The following PLXNB3 variants were observed in gnomAD, a reference collection of about 807,000 sequenced individuals.
The protein encoded by PLXNB3 is plexin-B3.
Under a neutral mutation model 125.7 loss-of-function variants are expected in PLXNB3, and 80 were observed. The ratio of observed to expected loss-of-function variants is 0.64; its 90% confidence interval spans 0.53 to 0.77. PLXNB3 has a LOEUF of 0.77. Ranked by LOEUF, PLXNB3 falls within the 30% of genes least tolerant of loss-of-function variation. PLXNB3 has a pLI of 0.00. For synonymous variants in PLXNB3, 954 were observed against 783.3 expected, an observed-to-expected ratio of 1.22 and a Z score of -3.64; for missense variants, 1,836 against 1,729.3, an observed-to-expected ratio of 1.06 and a Z score of -1.09.
In PLXNB3 at chrX:153,779,034, C is replaced by T. The variant is rs2092026251; in HGVS notation, c.5725C>T (p.Leu1909=). ...CCTGGTGGAAAACAAAGTGACTGAC[C>T]TGTGAGCTCTGGCTCAGACAGCAGC... The part of the protein sequence containing the change: ...AALVENKVTD[L] Residue 1909 remains leucine, a synonymous_variant, in exon 36 of 36, where the codon CTG becomes TTG. Transcript: ENST00000361971. The T allele has an allele frequency of 8.6e-7, 1 of 1,167,497 alleles. No individual in the cohort carries two copies. The highest frequency in any genetic ancestry group is 1.2e-6 in the Non-Finnish European group (1 of 868,197).
Position 153,769,191 on chromosome X carries a change from C to G in PLXNB3, c.1425C>G (p.Pro475=), listed in dbSNP as rs782068722. The G allele has an allele frequency of 3.4e-6, 4 of 1,183,710 alleles. No individual in the cohort carries two copies. The African/African-American group carries it at 7.0e-5, about 21-fold the overall frequency. ...QVDRIPVAAC[P]QFPDCASCLQ... is the part of the protein sequence containing the mutation. ...ACCGGATACCTGTGGCAGCCTGCCC[C>G]CAGTTCCCTGACTGTGCCAGCTGCC... Residue 475 remains proline (P), a synonymous_variant, in exon 6 of 36, where the codon CCC becomes CCG. Transcript: ENST00000361971.
intron 2 of PLXNB3, chrX:153,766,626 C>A: frequency 9.4e-7 from 1 of 1,063,781 alleles, no homozygotes; most frequent in Non-Finnish European, 1.2e-6. Context: ...CTTGTGCGTG[C>A]GTGCATGCAC....
rs781976995 is a variant in PLXNB3 at position 153,774,707 on chromosome X, C to A, written c.3832C>A (p.His1278Asn). The A allele has an allele frequency of 2.2e-5, 26 of 1,163,220 alleles. No individual in the cohort carries two copies. Among genetic ancestry groups the A allele is most frequent in the Non-Finnish European group, 2.9e-5 (25 of 869,832 alleles). ...AVLLLTLMYRHKSKQALRDYQ... is the reference protein window; with the variant it reads ...AVLLLTLMYRNKSKQALRDYQ... The stretch of plus-strand genomic sequence containing the variant: ...GATGAAGCTGGCCCCGGGCTGCAGG[C>A]ACAAGAGCAAGCAGGCCCTGCGGGA... The change falls in exon 23 of 36, where the codon CAC becomes AAC. Residue 1278 changes from histidine to asparagine, a missense_variant and splice_region_variant. By Grantham distance (68) the His-to-Asn change is moderately conservative. Transcript: ENST00000361971.
intron 6 of PLXNB3, 51 bp downstream of exon 6, chrX:153,769,313 C>T (rs113517298): frequency 2.5e-5 from 25 of 1,008,710 alleles, no homozygotes; most frequent in South Asian, 1.1e-4. Context: ...GTGTGTGCCA[C>T]GAGGCTGCCC....
chrX:153,773,173 G>C, intron 17 of PLXNB3, 57 bp from the exon 18 acceptor site: 1 of 1,134,870 alleles, frequency 8.8e-7, no homozygotes, highest in Admixed American at 2.6e-5. Context: ...GTTGGGCCAG[G>C]GCTGGGGTAG....
At chrX:153,766,591 G>A (rs1434393321) in intron 2 of PLXNB3, 5 of 1,050,866 alleles carry the variant, frequency 4.8e-6, no homozygotes, top group African/African-American at 1.9e-5. Flanking sequence ...TAAAGTAGGA[G>A]ATGAAAGAAT....
chrX:153,770,426 G>C lies in PLXNB3; in HGVS notation c.1875G>C (p.Gln625His). The change falls in exon 9 of 36, where the codon CAG becomes CAC. Residue 625 changes from glutamine to histidine, a missense_variant. Transcript: ENST00000361971. ...NFSFYDCSAVQALEAAAPCRA... is the reference protein window; with the variant it reads ...NFSFYDCSAVHALEAAAPCRA... ...CCTTTTATGACTGCAGTGCCGTCCA[G>C]GCCTTGGAGGCGGCTGCCCCGTGAG... The C allele has an allele frequency of 8.3e-7, 1 of 1,209,480 alleles. No individual in the cohort carries two copies. Among genetic ancestry groups the C allele is most frequent in the East Asian group, 3.0e-5 (1 of 33,828 alleles).
Position 153,766,989 on chromosome X carries a change from C to T in PLXNB3, c.162C>T (p.Leu54=). The change falls in exon 3 of 36, where the codon CTC becomes CTT. Residue 54 remains leucine, a synonymous_variant. Transcript: ENST00000361971. The part of the protein sequence containing the change: ...AHRFSAPNTT[L]NHLALAPGRG... ...GCTTCTCCGCACCTAATACCACTCT[C>T]AACCACTTGGCACTGGCACCTGGCC... 8.3e-7 allele frequency: 1 copy of T among 1,211,202 alleles called. No homozygotes were observed. The highest frequency in any genetic ancestry group is 1.8e-5 in the South Asian group (1 of 57,043).
At chrX:153,766,411 T>C in intron 2 of PLXNB3, 1 of 1,083,984 alleles carries the variant, frequency 9.2e-7, no homozygotes, top group Non-Finnish European at 1.2e-6. Context: ...GTCTGGGTGG[T>C]GGGCGCAGGG....
intron 29 of PLXNB3, 44 bp from the exon 30 acceptor site, chrX:153,777,158 AGGCCAG>A (rs2148433195): frequency 9.1e-7 from 1 of 1,102,501 alleles, no homozygotes; most frequent in East Asian, 3.3e-5. Flanking sequence ...TGGGCATCCC[AGGCCAG>A]GGGCAGGGGG....
chrX:153,775,147 G>C (rs371663536), intron 24 of PLXNB3, 44 bp downstream of exon 24: 1 of 1,163,530 alleles, frequency 8.6e-7, no homozygotes, highest in South Asian at 2.0e-5. Context: ...AAGGAGGTGG[G>C]GCTGGGGAAC....
chrX:153,772,231 C>T lies in PLXNB3; in HGVS notation c.2719C>T (p.Arg907Trp), dbSNP rs782733468. Residue 907 changes from arginine to tryptophan, a missense_variant, in exon 16 of 36, where the codon CGG becomes TGG. Physicochemically the swap from Arg to Trp is moderately radical, Grantham distance 101 (BLOSUM62 -3). Transcript: ENST00000361971. ...PAPNGTTGPV[R>W]VAIKSQPPGI... Reference sequence around the variant, plus strand: ...CCCCAATGGCACCACTGGGCCCGTCCGGGTGGCCATTAAGAGCCAGCCACC... The same window carrying T: ...CCCCAATGGCACCACTGGGCCCGTCTGGGTGGCCATTAAGAGCCAGCCACC... 27 of 1,205,422 alleles carry T rather than the reference C, an allele frequency of 2.2e-5. No homozygotes were observed. Among genetic ancestry groups the T allele is most frequent in the Non-Finnish European group, 1.8e-5 (16 of 893,753 alleles).
intron 31 of PLXNB3, 62 bp from the exon 32 acceptor site, chrX:153,777,886 A>C: frequency 8.7e-7 from 1 of 1,153,066 alleles, no homozygotes; most frequent in Non-Finnish European, 1.2e-6. Flanking sequence ...GCTGGAGTAC[A>C]TGGGGCGGAG....
Position 153,771,508 on chromosome X carries a change from G to A in PLXNB3, c.2370G>A (p.Met790Ile). Residue 790 changes from methionine (M) to isoleucine (I), a missense_variant, in exon 14 of 36, where the codon ATG becomes ATA. Met to Ile is a conservative substitution (Grantham distance 10). Transcript: ENST00000361971. ...TAGTGATCCTGTACGACTGCGCCAT[G>A]GGCCACCCGGACTGCAGCCACTGCC... is the stretch of plus-strand genomic sequence containing the variant. The part of the protein sequence containing the change: ...ALYVILYDCA[M>I]GHPDCSHCQA... 1 of 1,205,610 alleles carries A rather than the reference G, an allele frequency of 8.3e-7. No homozygotes were observed.
intron 6 of PLXNB3, 145 bp from the exon 7 acceptor site, chrX:153,769,662 T>G: frequency 3.1e-6 from 2 of 634,965 alleles, no homozygotes; most frequent in Non-Finnish European, 4.8e-6. Context: ...CTTGGCCCCT[T>G]TCTCTCTGGA....
In PLXNB3 at chrX:153,777,094, TCTC is replaced by T. The variant is rs1557064686; in HGVS notation, c.4928-111_4928-109del. Reference sequence around the variant, plus strand: ...CCACCCCACCGAGATCTTCTGCCCATCTCCTTCCTTTCTTCCAGTCCCCACACT... The same window carrying T: ...CCACCCCACCGAGATCTTCTGCCCATCTTCCTTTCTTCCAGTCCCCACACT... On this transcript the variant is annotated intron_variant, in intron 29 of 35. Transcript: ENST00000361971. The T allele has an allele frequency of 4.9e-6, 5 of 1,010,296 alleles. No individual in the cohort carries two copies. In the African/African-American group the frequency reaches 5.7e-5, roughly 11 times the overall value. 83.3% of individuals were successfully genotyped at this position (1,010,296 alleles called of 1,213,427 possible). A position where few individuals can be genotyped will look rare whatever the true frequency, so the allele number is the denominator to read the frequency against.
chrX:153,772,334 A>G lies in PLXNB3; in HGVS notation c.2775+47A>G, dbSNP rs782619764. 5 of 935,979 alleles carry G rather than the reference A, an allele frequency of 5.3e-6. No homozygotes were observed. The East Asian group carries it at 1.6e-4, about 29-fold the overall frequency. 77.1% of individuals were successfully genotyped at this position (935,979 alleles called of 1,213,427 possible). A position where few individuals can be genotyped will look rare whatever the true frequency, so the allele number is the denominator to read the frequency against. ...CCCTACGCAGGGGAGGGTAGGAGGG[A>G]GGGCCAGGAAGGACAGGCGCCTAGT... On this transcript the variant is annotated intron_variant, in intron 16 of 35. Coordinates refer to ENST00000361971, the MANE Select transcript of PLXNB3 (RefSeq NM_005393.3).
chrX:153,777,230 C>A lies in PLXNB3; in HGVS notation c.4950C>A (p.Gly1650=). Residue 1650 remains glycine (G), a synonymous_variant, in exon 30 of 36, where the codon GGC becomes GGA. Transcript: ENST00000361971. ...CAGACATACCCACGCTGGAGGATGG[C>A]GAGGAGGGGGGGGTGTGCCTCTGGC... The part of the protein sequence containing the change: ...LGENIPTLED[G]EEGGVCLWHL... 1 of 1,162,316 alleles carries A rather than the reference C, an allele frequency of 8.6e-7. No homozygotes were observed. Among genetic ancestry groups the A allele is most frequent in the Non-Finnish European group, 1.2e-6 (1 of 868,633 alleles).
At chrX:153,771,829 G>C (rs782578063) in intron 14 of PLXNB3, 35 bp from the exon 15 acceptor site, 8 of 1,194,802 alleles carry the variant, frequency 6.7e-6, no homozygotes, top group Non-Finnish European at 9.0e-6. Context: ...GCGTGGGTGC[G>C]GGGGACCCCA....
Sources: gnomAD v4.1 joint callset for allele counts on GRCh38, gnomAD v4.1.1 for gene constraint, MANE v1.5 for transcripts, NCBI Gene and HGNC (gene_info 2026-07-23, HGNC 2026-07-21) for gene names.